SLC35F4: variants seen among roughly 807,000 people sequenced by gnomAD.
SLC35F4 encodes the protein solute carrier family 35 member F4, also known as chromosome 14 open reading frame 36.
SLC35F4 carries 24 observed loss-of-function variants against 44.2 expected under a neutral mutation model. That is an observed-to-expected ratio of 0.54 (90% CI 0.39 to 0.76). The LOEUF is 0.76. SLC35F4 is among the 30% of genes least tolerant of loss of function. SLC35F4 has a pLI of 0.00. For synonymous variants in SLC35F4, 238 were observed against 223.6 expected (o/e 1.06, Z -0.57); for missense variants, 562 against 586.1 (o/e 0.96, Z 0.42).
chr14:57,623,536 C>T (rs1215276670), intron 1 of SLC35F4, among the ~76,000 whole-genome samples: 2 of 152,154 alleles, frequency 1.3e-5, no homozygotes, highest in African/African-American at 2.4e-5. Context: ...TGCACTTATT[C>T]TAAAATTGAC....
At chr14:57,829,492 G>T (rs1884125043) in intron 1 of SLC35F4, among the ~76,000 whole-genome samples, 1 of 152,202 alleles carries the variant, frequency 6.6e-6, no homozygotes, top group Non-Finnish European at 1.5e-5. Context: ...AGCTGAAAGA[G>T]TTGTACAAAG....
intron 1 of SLC35F4, among the ~76,000 whole-genome samples, chr14:57,624,772 T>C (rs927820068): frequency 3.9e-5 from 6 of 152,102 alleles, no homozygotes; most frequent in Non-Finnish European, 7.4e-5. Context: ...TGCTAAAAAC[T>C]CTCAATAAAC....
At chr14:57,703,059 T>C (rs1220224103) in intron 1 of SLC35F4, among the ~76,000 whole-genome samples, 1 of 152,192 alleles carries the variant, frequency 6.6e-6, no homozygotes. Flanking sequence ...CCAGCTCTTC[T>C]GCTAAGCCAG....
At chr14:57,627,034 A>C (rs1301207589) in intron 1 of SLC35F4, among the ~76,000 whole-genome samples, 1 of 152,160 alleles carries the variant, frequency 6.6e-6, no homozygotes, top group Non-Finnish European at 1.5e-5. Context: ...TTCCTGGTCT[A>C]TAGTAACTCC....
chr14:57,589,570 A>C, intron 2 of SLC35F4, 57 bp from the exon 3 acceptor site: 3 of 1,483,964 alleles, frequency 2.0e-6, no homozygotes, highest in Non-Finnish European at 2.7e-6. Context: ...ACAGCAATCA[A>C]ATATATCAGC....
chr14:57,870,226 GTGTC>G (rs925632939), upstream of SLC35F4, among the ~76,000 whole-genome samples: 10 of 151,728 alleles, frequency 6.6e-5, no homozygotes, highest in African/African-American at 2.4e-4. Flanking sequence ...GAGTCTGTGT[GTGTC>G]TGTCTATCTC....
intron 1 of SLC35F4, among the ~76,000 whole-genome samples, chr14:57,651,176 G>C (rs2073770202): frequency 6.6e-6 from 1 of 152,040 alleles, no homozygotes; most frequent in South Asian, 2.1e-4. Flanking sequence ...TACTAGATTG[G>C]GACCTAACAC....
chr14:57,686,050 T>C (rs2075057449), intron 1 of SLC35F4, among the ~76,000 whole-genome samples: 1 of 152,176 alleles, frequency 6.6e-6, no homozygotes, highest in Non-Finnish European at 1.5e-5. Context: ...GGACCTTTTG[T>C]GGTTATGTCT....
chr14:57,598,039 G>A lies in SLC35F4; in HGVS notation c.104-3915C>T, dbSNP rs553038006. 2.0e-5 allele frequency among the ~76,000 whole-genome samples: 3 copies of A among 152,280 alleles called. No individual in the cohort carries two copies. The East Asian group carries it at 5.8e-4, about 29-fold the overall frequency. ...CTAAATTGGTTTAAAGCTAAAAGGG[G>A]AGTTTTTAGGAGCTTAGCGACCTAC... On this transcript the variant is annotated intron_variant, in intron 1 of 7. Coordinates refer to ENST00000556826, the MANE Select transcript of SLC35F4 (RefSeq NM_001306087.2).
intron 1 of SLC35F4, among the ~76,000 whole-genome samples, chr14:57,915,979 C>T (rs1889321121): frequency 6.6e-6 from 1 of 152,194 alleles, no homozygotes; most frequent in Non-Finnish European, 1.5e-5. Flanking sequence ...ACAGCAACAA[C>T]CCTGCTTCTT....
intron 1 of SLC35F4, among the ~76,000 whole-genome samples, chr14:57,607,636 C>T (rs2071240780): frequency 6.6e-6 from 1 of 152,214 alleles, no homozygotes; most frequent in Non-Finnish European, 1.5e-5. Context: ...ACTTCCAAGA[C>T]ACTCACTGCC....
intron 1 of SLC35F4, among the ~76,000 whole-genome samples, chr14:57,667,415 T>A (rs1442969647): frequency 3.3e-5 from 5 of 151,606 alleles, no homozygotes; most frequent in Non-Finnish European, 7.4e-5. Context: ...ACATGTGCCA[T>A]GTTGGTGTGC....
chr14:57,749,232 T>C (rs1196903399), intron 1 of SLC35F4, among the ~76,000 whole-genome samples: 4 of 152,210 alleles, frequency 2.6e-5, no homozygotes, highest in Non-Finnish European at 1.5e-5. Flanking sequence ...ATTTTACTGC[T>C]GTTGTCATCC....
At chr14:57,823,472 C>T (rs1365694108) in intron 1 of SLC35F4, among the ~76,000 whole-genome samples, 1 of 152,186 alleles carries the variant, frequency 6.6e-6, no homozygotes, top group African/African-American at 2.4e-5. Context: ...ATATTTGAAT[C>T]ACGCTCCAGG....
intron 1 of SLC35F4, among the ~76,000 whole-genome samples, chr14:57,739,971 T>C (rs936471449): frequency 7.9e-5 from 12 of 152,182 alleles, no homozygotes; most frequent in African/African-American, 2.7e-4. Flanking sequence ...GCAATTCTCC[T>C]GCCTCAGCCT....
At chr14:57,664,264 C>G (rs1013681023) in intron 1 of SLC35F4, among the ~76,000 whole-genome samples, 4 of 152,036 alleles carry the variant, frequency 2.6e-5, no homozygotes, top group African/African-American at 9.7e-5. Flanking sequence ...TGACTGTGCC[C>G]AAACTATTAT....
intron 1 of SLC35F4, among the ~76,000 whole-genome samples, chr14:57,947,963 T>C (rs1890066067): frequency 6.6e-6 from 1 of 152,216 alleles, no homozygotes; most frequent in Non-Finnish European, 1.5e-5. Flanking sequence ...TCTATGTTCA[T>C]CAGAGGTATT....
At chr14:57,628,235 A>G (rs2072572545) in intron 1 of SLC35F4, among the ~76,000 whole-genome samples, 1 of 75,720 alleles carries the variant, frequency 1.3e-5, no homozygotes, top group African/African-American at 4.5e-5. Context: ...TGCTTTCTAT[A>G]TGACTGAATT....
intron 1 of SLC35F4, among the ~76,000 whole-genome samples, chr14:57,788,667 A>G (rs2077830497): frequency 6.6e-6 from 1 of 152,204 alleles, no homozygotes; most frequent in African/African-American, 2.4e-5. Flanking sequence ...TTGTGGATCT[A>G]ACAGACATCT....
Sources: allele counts gnomAD v4.1 joint callset (sites outside exome capture counted in the v4.1 genomes callset), GRCh38; gene constraint gnomAD v4.1.1; transcripts MANE v1.5; gene names NCBI Gene and HGNC (gene_info 2026-07-23, HGNC 2026-07-21).